Variants in DLG2 observed in about 807,000 individuals in gnomAD.
DLG2 encodes disks large homolog 2.
In DLG2, 45 loss-of-function variants were observed where a neutral mutation model predicts 132.5. The observed-to-expected ratio is 0.34, with a 90% CI of 0.27 to 0.44. DLG2 has a LOEUF of 0.44. DLG2 is among the 20% of genes least tolerant of loss of function. The pLI is 1.00. For synonymous variants in DLG2, 424 were observed against 419.6 expected (o/e 1.01, Z -0.13); for missense variants, 1,045 against 1,196.9 (o/e 0.87, Z 1.87).
chr11:83,479,377 G>T (rs1015397927), intron 22 of DLG2, among the ~76,000 whole-genome samples: 25 of 151,922 alleles, frequency 1.6e-4, no homozygotes, highest in African/African-American at 5.8e-4. Context: ...GCTATAACGG[G>T]GGGGGGAAAA....
intron 6 of DLG2, among the ~76,000 whole-genome samples, chr11:84,561,475 T>C (rs1486007042): frequency 1.3e-5 from 2 of 152,136 alleles, no homozygotes. Flanking sequence ...AAGCTCTTGC[T>C]TTAAACTCTA....
rs374590477 is a variant in DLG2 at position 84,923,062 on chromosome 11, C to A, written c.357+188599G>T. ...CATGTATATTGTGCCCAGTTGCCGGCTCGCCTCCTCTTACCTTCACGTTAG... is the reference window on the plus strand; with the variant it reads ...CATGTATATTGTGCCCAGTTGCCGGATCGCCTCCTCTTACCTTCACGTTAG... On this transcript the variant is annotated intron_variant, in intron 6 of 27. Coordinates refer to ENST00000376104, the MANE Select transcript of DLG2 (RefSeq NM_001142699.3). 9.3e-6 allele frequency: 15 copies of A among 1,613,848 alleles called. No homozygotes were observed. In the African/African-American group the frequency reaches 2.0e-4, roughly 22 times the overall value.
intron 6 of DLG2, among the ~76,000 whole-genome samples, chr11:84,947,853 T>C (rs1453711137): frequency 6.6e-6 from 1 of 152,298 alleles, no homozygotes; most frequent in Middle Eastern, 3.4e-3. Context: ...GGTTGAACAA[T>C]AAATTACATA....
intron 6 of DLG2, among the ~76,000 whole-genome samples, chr11:84,991,317 T>C (rs1458033689): frequency 6.6e-6 from 1 of 151,796 alleles, no homozygotes; most frequent in Admixed American, 6.6e-5. Context: ...TGAGATGGCC[T>C]GGGCAAAATT....
intron 6 of DLG2, among the ~76,000 whole-genome samples, chr11:84,818,572 G>A (rs2077322840): frequency 6.6e-6 from 1 of 151,824 alleles, no homozygotes; most frequent in African/African-American, 2.4e-5. Flanking sequence ...TGAAGCTAAA[G>A]AAGGTCTCTT....
intron 7 of DLG2, among the ~76,000 whole-genome samples, chr11:84,268,443 G>A (rs950200947): frequency 6.7e-6 from 1 of 150,346 alleles, no homozygotes; most frequent in Non-Finnish European, 1.5e-5. Flanking sequence ...TGTGACTGTG[G>A]GAAAGGTACT....
chr11:84,548,327 A>T (rs1475735753), intron 6 of DLG2, among the ~76,000 whole-genome samples: 2 of 152,016 alleles, frequency 1.3e-5, no homozygotes, highest in South Asian at 2.1e-4. Context: ...CATGTGCACA[A>T]CGTGCAGGTT....
At chr11:84,865,714 G>A (rs760322922) in intron 6 of DLG2, among the ~76,000 whole-genome samples, 1 of 152,050 alleles carries the variant, frequency 6.6e-6, no homozygotes, top group African/African-American at 2.4e-5. Flanking sequence ...ACAAAGCCCC[G>A]AAAACAATCT....
At chr11:84,747,370 T>C (rs2065512985) in intron 6 of DLG2, among the ~76,000 whole-genome samples, 2 of 152,124 alleles carry the variant, frequency 1.3e-5, no homozygotes, top group African/African-American at 2.4e-5. Context: ...ACACTTACCA[T>C]GATGGAACTA....
At chr11:85,526,110 C>T (rs771896304) in intron 3 of DLG2, among the ~76,000 whole-genome samples, 4 of 152,164 alleles carry the variant, frequency 2.6e-5, no homozygotes, top group African/African-American at 9.7e-5. Context: ...TGTATTGTTT[C>T]ACTAGTGGGG....
intron 6 of DLG2, chr11:84,546,726 A>AGCT: frequency 2.2e-6 from 1 of 460,796 alleles, no homozygotes; most frequent in Non-Finnish European, 4.2e-6. Flanking sequence ...ACAGTCCATG[A>AGCT]GTGCTCCCAA....
intron 7 of DLG2, among the ~76,000 whole-genome samples, chr11:84,361,159 G>A (rs1189966801): frequency 6.6e-6 from 1 of 151,580 alleles, no homozygotes; most frequent in African/African-American, 2.4e-5. Flanking sequence ...AAAGTGGGAG[G>A]GAAAATAAAA....
At chr11:84,923,011 G>T in intron 6 of DLG2, 1 of 1,591,246 alleles carries the variant, frequency 6.3e-7, no homozygotes, top group Non-Finnish European at 8.6e-7. Flanking sequence ...GCTACACAAG[G>T]TAGACATTTT....
intron 9 of DLG2, among the ~76,000 whole-genome samples, chr11:84,102,230 AGTT>A (rs1409887114): frequency 4.6e-5 from 7 of 152,242 alleles, no homozygotes; most frequent in Admixed American, 1.3e-4. Flanking sequence ...GTTATTTTGT[AGTT>A]GTCTGTTTCT....
intron 7 of DLG2, among the ~76,000 whole-genome samples, chr11:84,352,938 A>C (rs1053331714): frequency 2.6e-5 from 4 of 152,092 alleles, no homozygotes; most frequent in African/African-American, 9.7e-5. Context: ...TGTTCTCTGG[A>C]TCCTACTCTC....
At chr11:84,937,682 T>G (rs1407958661) in intron 6 of DLG2, among the ~76,000 whole-genome samples, 1 of 152,122 alleles carries the variant, frequency 6.6e-6, no homozygotes, top group Non-Finnish European at 1.5e-5. Flanking sequence ...CATGAAATTT[T>G]GGGGGAAGTT....
intron 7 of DLG2, among the ~76,000 whole-genome samples, chr11:84,304,469 TTCCA>T (rs2098192843): frequency 6.6e-6 from 1 of 152,210 alleles, no homozygotes; most frequent in Admixed American, 6.5e-5. Flanking sequence ...GAAAGGGACA[TTCCA>T]TCAGGTGGGA....
intron 3 of DLG2, among the ~76,000 whole-genome samples, chr11:85,584,347 TG>T (rs2078823869): frequency 1.1e-5 from 1 of 90,620 alleles, no homozygotes. Context: ...ATGGTGTGTG[TG>T]TGTGTGTGTG....
At chr11:83,990,931 C>T (rs2154182512) in intron 11 of DLG2, among the ~76,000 whole-genome samples, 1 of 152,194 alleles carries the variant, frequency 6.6e-6, no homozygotes, top group African/African-American at 2.4e-5. Flanking sequence ...TCTGAGAAAA[C>T]ACCCACCCTC....
Sources: gnomAD v4.1 joint callset for allele counts (sites outside exome capture counted in the v4.1 genomes callset) on GRCh38, gnomAD v4.1.1 for gene constraint, MANE v1.5 for transcripts, NCBI Gene and HGNC (gene_info 2026-07-23, HGNC 2026-07-21) for gene names.